DUSP6: variants seen among roughly 807,000 people sequenced by gnomAD.
DUSP6 encodes dual specificity phosphatase 6.
In DUSP6, 6 loss-of-function variants were observed where a neutral mutation model predicts 28.0. The observed-to-expected ratio is 0.21, with a 90% CI of 0.12 to 0.42. DUSP6 has a LOEUF of 0.42. DUSP6 is among the 10% of genes least tolerant of loss of function. The pLI, the probability that DUSP6 is intolerant of heterozygous loss-of-function variation, is 1.00. For synonymous variants in DUSP6, 252 were observed against 217.5 expected, an observed-to-expected ratio of 1.16 and a Z score of -1.40; for missense variants, 451 against 498.1, an observed-to-expected ratio of 0.91 and a Z score of 0.90.
chr12:89,351,092 C>T lies in DUSP6; in HGVS notation c.401-67G>A. On this transcript the variant is annotated intron_variant, in intron 1 of 2. Transcript: ENST00000279488. ...TAGTAGTTTTCACAGCTTGTAAGAA[C>T]CGCAGCCCGGCGCAAGAAACACCAC... 3.3e-6 allele frequency: 5 copies of T among 1,495,134 alleles called. No homozygotes were observed. In the South Asian group the frequency reaches 6.3e-5, roughly 19 times the overall value. 92.6% of individuals were successfully genotyped at this position (1,495,134 alleles called of 1,614,324 possible).
At position 89,351,711 on chromosome 12, in the gene DUSP6, C is replaced by T; in HGVS notation, c.329G>A (p.Gly110Asp). ...ESSSDWNENT[G>D]GESVLGLLLK... is the part of the protein sequence containing the mutation. ...CAGCAGCCCGAGCACCGACTCGCCGCCCGTATTCTCGTTCCAGTCGCTGCT... is the reference window on the plus strand; with the variant it reads ...CAGCAGCCCGAGCACCGACTCGCCGTCCGTATTCTCGTTCCAGTCGCTGCT... The change falls in exon 1 of 3, where the codon GGC (glycine) becomes GAC (aspartate). Residue 110 changes from glycine (G) to aspartate (D), a missense_variant. Gly to Asp is a moderately conservative substitution (Grantham distance 94, BLOSUM62 -1). Coordinates refer to ENST00000279488, the MANE Select transcript of DUSP6 (RefSeq NM_001946.4). 3 of 1,605,966 alleles carry T rather than the reference C, an allele frequency of 1.9e-6. No homozygotes were observed. The highest frequency in any genetic ancestry group is 1.7e-4 in the Middle Eastern group (1 of 6,046).
In DUSP6 at chr12:89,351,681, T is replaced by C; in HGVS notation, c.359A>G (p.Lys120Arg). The C allele has an allele frequency of 6.2e-7, 1 of 1,607,988 alleles. No homozygotes were observed. Among genetic ancestry groups the C allele is most frequent in the Non-Finnish European group, 8.5e-7 (1 of 1,177,882 alleles). ...CCGGCAGCCCTCGTCCTTGAGCTTC[T>C]TGAGCAGCAGCCCGAGCACCGACTC... ...GGESVLGLLL[K>R]KLKDEGCRAF... The change falls in exon 1 of 3, where the codon AAG becomes AGG. Residue 120 changes from lysine (K) to arginine (R), a missense_variant. Physicochemically the swap from Lys to Arg is conservative, Grantham distance 26. Around this residue, in one of 2 missense-constraint regions of DUSP6, gnomAD observed 347 missense variants for 346.6 expected, o/e 1.00. Coordinates refer to ENST00000279488, the MANE Select transcript of DUSP6 (RefSeq NM_001946.4).
chr12:89,347,851 T>C lies in DUSP6; in HGVS notation c.*1403A>G, dbSNP rs1481748429. ...CTATACTCATAAGAGGTATTGTTCA[T>C]ATACACGGTACAGTCGGTCCATTCT... On this transcript the variant is annotated 3_prime_UTR_variant, in exon 3 of 3. Coordinates refer to ENST00000279488, the MANE Select transcript of DUSP6 (RefSeq NM_001946.4). 1 of 152,226 alleles carries C rather than the reference T, an allele frequency of 6.6e-6. No homozygotes were observed. The highest frequency in any genetic ancestry group is 1.5e-5 in the Non-Finnish European group (1 of 68,048). 9.4% of individuals were successfully genotyped at this position (152,226 alleles called of 1,614,324 possible). A position where few individuals can be genotyped will look rare whatever the true frequency, so the allele number is the denominator to read the frequency against.
At position 89,351,620 on chromosome 12, in the gene DUSP6, G is replaced by T. The variant is rs1468501373; in HGVS notation, c.400+20C>A. ...GCGCCCCTAGCCCTGCCCCGCGCGCGGAGTTCCCTGGGCGCGTACCTTCCA... is the reference window on the plus strand; with the variant it reads ...GCGCCCCTAGCCCTGCCCCGCGCGCTGAGTTCCCTGGGCGCGTACCTTCCA... On this transcript the variant is annotated intron_variant, in intron 1 of 2. Coordinates refer to ENST00000279488, the MANE Select transcript of DUSP6 (RefSeq NM_001946.4). The T allele has an allele frequency of 1.9e-6, 3 of 1,580,632 alleles. No individual in the cohort carries two copies. The highest frequency in any genetic ancestry group is 2.6e-6 in the Non-Finnish European group (3 of 1,161,354).
At chr12:89,350,271 C>A (rs7967381) in intron 2 of DUSP6, among the ~76,000 whole-genome samples, 17,144 of 152,190 alleles carry the variant, frequency 0.11, 1,388 homozygotes, top group African/African-American at 0.23. Context: ...ATAGTGAGTA[C>A]TTCTATCTGA....
chr12:89,349,422 TTTCATTTTGACAATGTCATAGGCATCG>T lies in DUSP6; in HGVS notation c.951_977del (p.Asn317_Met325del), dbSNP rs773414202. 1 of 1,614,198 alleles carries T rather than the reference TTTCATTTTGACAATGTCATAGGCATCG, an allele frequency of 6.2e-7. No individual in the cohort carries two copies. Among genetic ancestry groups the T allele is most frequent in the Non-Finnish European group, 8.5e-7 (1 of 1,180,032 alleles). On this transcript the variant is annotated inframe_deletion, in exon 3 of 3. Coordinates refer to ENST00000279488, the MANE Select transcript of DUSP6 (RefSeq NM_001946.4). ...TGAAGTTAGGGGATATGTTGGATTT[TTTCATTTTGACAATGTCATAGGCATCG>T]TTCATCGACAGATTGAGCTTCTGCA... is the stretch of plus-strand genomic sequence containing the variant.
intron 1 of DUSP6, 169 bp downstream of exon 1, chr12:89,351,471 C>T: frequency 3.5e-6 from 4 of 1,154,838 alleles, no homozygotes; most frequent in Non-Finnish European, 3.5e-6. Context: ...TTCTCTGGTG[C>T]GGAACGCGCG....
Position 89,352,375 on chromosome 12 carries a change from C to A in DUSP6, c.-336G>T, listed in dbSNP as rs1879237109. On this transcript the variant is annotated 5_prime_UTR_variant, in exon 1 of 3. Transcript: ENST00000279488. ...GAAAAAAAGTCTAGCGGCTTCTAAT[C>A]CCTCCCTCCAAGGCTGCACCTCAAA... is the stretch of plus-strand genomic sequence containing the variant. The A allele has an allele frequency of 1.5e-5, 5 of 328,840 alleles. No individual in the cohort carries two copies. The highest frequency in any genetic ancestry group is 4.1e-5 in the South Asian group (1 of 24,248). The allele number at this position is 328,840 out of a possible 1,614,324, so 20.4% of individuals were successfully genotyped here. A position where few individuals can be genotyped will look rare whatever the true frequency, so the allele number is the denominator to read the frequency against.
chr12:89,351,875 G>A lies in DUSP6; in HGVS notation c.165C>T (p.Asn55=), dbSNP rs774021182. The change falls in exon 1 of 3, where the codon AAC becomes AAT. Residue 55 remains asparagine, a synonymous_variant. Coordinates refer to ENST00000279488, the MANE Select transcript of DUSP6 (RefSeq NM_001946.4). ...GCAGCATGATGCCCGGGATGGCCAC[G>A]TTGATGGCCGACTCGATGTGCGACG... The part of the protein sequence containing the change: ...YESSHIESAI[N]VAIPGIMLRR... 2.0e-5 allele frequency: 33 copies of A among 1,612,468 alleles called. No homozygotes were observed. The highest frequency in any genetic ancestry group is 2.6e-5 in the Non-Finnish European group (31 of 1,179,896).
intron 1 of DUSP6, chr12:89,351,399 C>T: frequency 1.6e-6 from 1 of 643,070 alleles, no homozygotes; most frequent in South Asian, 2.2e-5. Flanking sequence ...AGGCGCAGAA[C>T]CCGTTAGAAA....
Position 89,350,585 on chromosome 12 carries a change from C to G in DUSP6, c.838+3G>C, listed in dbSNP as rs371728439. On this transcript the variant is annotated splice_donor_region_variant and intron_variant, in intron 2 of 2. Coordinates refer to ENST00000279488, the MANE Select transcript of DUSP6 (RefSeq NM_001946.4). The stretch of plus-strand genomic sequence containing the variant: ...CAGAGCGACGACTATTAATTAGTCT[C>G]ACCTATGAAAGAAATGGCCTCAGGG... The G allele has an allele frequency of 1.3e-4, 208 of 1,611,834 alleles. No homozygotes were observed. Among genetic ancestry groups the G allele is most frequent in the Middle Eastern group, 5.0e-4 (3 of 6,050 alleles).
At chr12:89,351,603 AG>A in intron 1 of DUSP6, 36 bp downstream of exon 1, 1 of 1,558,292 alleles carries the variant, frequency 6.4e-7, no homozygotes. Context: ...CTGCGCCCCT[AG>A]CCCTGCCCCG....
chr12:89,349,148 A>C lies in DUSP6; in HGVS notation c.*106T>G. 3 of 1,286,442 alleles carry C rather than the reference A, an allele frequency of 2.3e-6. No homozygotes were observed. The highest frequency in any genetic ancestry group is 3.2e-6 in the Non-Finnish European group (3 of 934,224). The allele number at this position is 1,286,442 out of a possible 1,614,324, so 79.7% of individuals were successfully genotyped here. On this transcript the variant is annotated 3_prime_UTR_variant, in exon 3 of 3. Coordinates refer to ENST00000279488, the MANE Select transcript of DUSP6 (RefSeq NM_001946.4). ...TTGTCTAGTACAGACAGCTGGTGTCATTTTGACACCTGGGGCCACACACAA... is the reference window on the plus strand; with the variant it reads ...TTGTCTAGTACAGACAGCTGGTGTCCTTTTGACACCTGGGGCCACACACAA...
chr12:89,352,028 C>T lies in DUSP6; in HGVS notation c.12G>A (p.Thr4=), dbSNP rs547284305. 2 of 1,611,476 alleles carry T rather than the reference C, an allele frequency of 1.2e-6. No individual in the cohort carries two copies. The highest frequency in any genetic ancestry group is 1.7e-6 in the Non-Finnish European group (2 of 1,178,728). ...CCGACGCGAAGGGCACGGGTCTGAG[C>T]GTATCTATCATGGGGGTCGAGCTGC... MID[T]LRPVPFASEM... The change falls in exon 1 of 3, where the codon ACG becomes ACA. Residue 4 remains threonine, a synonymous_variant. Coordinates refer to ENST00000279488, the MANE Select transcript of DUSP6 (RefSeq NM_001946.4).
Position 89,350,626 on chromosome 12 carries a change from T to C in DUSP6, c.800A>G (p.Asn267Ser). ...GGCCTCAGGGAAAAACTGGGACAGGTTTTGGCTCCAGTGATCCGAGATGGG... is the reference window on the plus strand; with the variant it reads ...GGCCTCAGGGAAAAACTGGGACAGGCTTTGGCTCCAGTGATCCGAGATGGG... ...QIPISDHWSQ[N>S]LSQFFPEAIS... The change falls in exon 2 of 3, where the codon AAC (asparagine) becomes AGC (serine). Residue 267 changes from asparagine (N) to serine (S), a missense_variant. Asn to Ser is a conservative substitution (Grantham distance 46). Transcript: ENST00000279488. 1 of 1,613,994 alleles carries C rather than the reference T, an allele frequency of 6.2e-7. No homozygotes were observed. The highest frequency in any genetic ancestry group is 8.5e-7 in the Non-Finnish European group (1 of 1,179,918).
In DUSP6 at chr12:89,349,455, C is replaced by T. The variant is rs775089584; in HGVS notation, c.945G>A (p.Ser315=). ...TGACAATGTCATAGGCATCGTTCATCGACAGATTGAGCTTCTGCATAAGGT... is the reference window on the plus strand; with the variant it reads ...TGACAATGTCATAGGCATCGTTCATTGACAGATTGAGCTTCTGCATAAGGT... ...VAYLMQKLNL[S]MNDAYDIVKM... Residue 315 remains serine (S), a synonymous_variant, in exon 3 of 3, where the codon TCG becomes TCA. Transcript: ENST00000279488. 9.9e-6 allele frequency: 16 copies of T among 1,614,086 alleles called. No homozygotes were observed. Among genetic ancestry groups the T allele is most frequent in the African/African-American group, 5.3e-5 (4 of 75,010 alleles).
At chr12:89,350,539 A>G in intron 2 of DUSP6, 49 bp downstream of exon 2, 1 of 1,545,458 alleles carries the variant, frequency 6.5e-7, no homozygotes, top group Non-Finnish European at 8.8e-7. Context: ...ATGAATGGCT[A>G]GGAATTTTGC....
chr12:89,352,220 C>G lies in DUSP6; in HGVS notation c.-181G>C, dbSNP rs1223956502. 1.2e-6 allele frequency: 1 copy of G among 808,460 alleles called. No individual in the cohort carries two copies. Among genetic ancestry groups the G allele is most frequent in the Non-Finnish European group, 1.9e-6 (1 of 525,908 alleles). The allele number at this position is 808,460 out of a possible 1,614,324, so 50.1% of individuals were successfully genotyped here. ...ACAGAAGTAAAGCCGGAGGTTCTCT[C>G]TGCACCCAGCTGCAGCCGCTGGCTC... On this transcript the variant is annotated 5_prime_UTR_variant, in exon 1 of 3. Transcript: ENST00000279488.
At chr12:89,351,431 C>T in intron 1 of DUSP6, 1 of 827,954 alleles carries the variant, frequency 1.2e-6, no homozygotes, top group Non-Finnish European at 1.8e-6. Context: ...TACCCGCAGC[C>T]GGAAGCGAGT....
Sources: allele counts gnomAD v4.1 joint callset (sites outside exome capture counted in the v4.1 genomes callset), GRCh38; gene constraint gnomAD v4.1.1; regional missense constraint gnomAD v4.1.1; transcripts MANE v1.5; gene names NCBI Gene and HGNC (gene_info 2026-07-23, HGNC 2026-07-21).